AFAP1: variants seen among roughly 807,000 people sequenced by gnomAD.
The protein encoded by AFAP1 is actin filament associated protein 1.
A neutral mutation model predicts 93.9 loss-of-function variants in AFAP1; 75 were observed. The observed-to-expected ratio is 0.80, with a 90% CI of 0.66 to 0.97. The LOEUF (loss-of-function observed/expected upper bound fraction) is 0.97, where lower values mean the gene tolerates loss of function less well. AFAP1 is among the 50% of genes least tolerant of loss of function. AFAP1 has a pLI of 0.00. For synonymous variants in AFAP1, 517 were observed against 430.7 expected (o/e 1.20, Z -2.48); for missense variants, 1,201 against 1,050.8 (o/e 1.14, Z -1.98).
chr4:7,907,506 T>C (rs1000799944), intron 1 of AFAP1, among the ~76,000 whole-genome samples: 2 of 152,152 alleles, frequency 1.3e-5, no homozygotes, highest in African/African-American at 4.8e-5. Context: ...GAAAATAGCC[T>C]GTTTAGTAAC....
At chr4:7,893,089 C>T (rs887469514) in intron 1 of AFAP1, among the ~76,000 whole-genome samples, 1 of 148,442 alleles carries the variant, frequency 6.7e-6, no homozygotes, top group African/African-American at 2.4e-5. Context: ...AGCCCCGGTG[C>T]CGGGGGGGCA....
At chr4:7,820,325 C>T (rs1246548936) in intron 6 of AFAP1, among the ~76,000 whole-genome samples, 6 of 152,188 alleles carry the variant, frequency 3.9e-5, no homozygotes, top group African/African-American at 1.4e-4. Flanking sequence ...TTGAAGTCAA[C>T]AGCAAACTTC....
chr4:7,905,379 T>C (rs1464365231), intron 1 of AFAP1, among the ~76,000 whole-genome samples: 1 of 152,236 alleles, frequency 6.6e-6, no homozygotes, highest in Non-Finnish European at 1.5e-5. Flanking sequence ...GTGACTTTTA[T>C]AGAAAAATCT....
At chr4:7,901,245 T>C (rs184569123) in intron 1 of AFAP1, among the ~76,000 whole-genome samples, 12 of 152,342 alleles carry the variant, frequency 7.9e-5, no homozygotes, top group Admixed American at 7.2e-4. Flanking sequence ...GGAAGTCTCA[T>C]TTAATGAAGC....
chr4:7,844,513 C>T (rs28520091), intron 4 of AFAP1, among the ~76,000 whole-genome samples: 58,020 of 151,968 alleles, frequency 0.38, 12,419 homozygotes, highest in Non-Finnish European at 0.48. Context: ...AGCCTCCACA[C>T]GGCCCAACAC....
intron 1 of AFAP1, among the ~76,000 whole-genome samples, chr4:7,923,719 C>T (rs916737838): frequency 6.6e-6 from 1 of 152,184 alleles, no homozygotes; most frequent in Non-Finnish European, 1.5e-5. Context: ...CCCATCTCGG[C>T]CTCCCAAAGT....
chr4:7,856,805 G>A (rs557278752), intron 3 of AFAP1, among the ~76,000 whole-genome samples: 1 of 152,166 alleles, frequency 6.6e-6, no homozygotes, highest in Non-Finnish European at 1.5e-5. Context: ...TGGCTGAGTG[G>A]CAGGAAAGCC....
intron 1 of AFAP1, among the ~76,000 whole-genome samples, chr4:7,907,863 C>G (rs1458186853): frequency 6.6e-6 from 1 of 152,128 alleles, no homozygotes; most frequent in Non-Finnish European, 1.5e-5. Context: ...GCCATTTAAT[C>G]CATACTAAAG....
At chr4:7,931,816 AAT>A (rs1560242713) in intron 1 of AFAP1, among the ~76,000 whole-genome samples, 1 of 152,086 alleles carries the variant, frequency 6.6e-6, no homozygotes, top group Non-Finnish European at 1.5e-5. Flanking sequence ...GGAGTTCATA[AAT>A]TTCTGAAAGC....
intron 14 of AFAP1, chr4:7,777,249 G>A (rs1033571087): frequency 6.6e-6 from 1 of 152,178 alleles, no homozygotes; most frequent in Admixed American, 6.5e-5. Flanking sequence ...AATAAGATTT[G>A]CCAGATAAGG....
At chr4:7,890,939 T>C (rs1408053752) in intron 1 of AFAP1, among the ~76,000 whole-genome samples, 7 of 152,198 alleles carry the variant, frequency 4.6e-5, no homozygotes, top group Non-Finnish European at 1.5e-5. Flanking sequence ...GAGACATTAC[T>C]GCATGTGTCT....
rs138160428 is a variant in AFAP1 at position 7,876,144 on chromosome 4, C to G, written c.-2-4064G>C. ...CAGCATGGAACTATCTGAAGAGAACCTAAGGATGCATCGATCCTAACTTGC... is the reference window on the plus strand; with the variant it reads ...CAGCATGGAACTATCTGAAGAGAACGTAAGGATGCATCGATCCTAACTTGC... On this transcript the variant is annotated intron_variant, in intron 1 of 17. Coordinates refer to ENST00000420658, the MANE Select transcript of AFAP1 (RefSeq NM_001134647.2). 8.5e-4 allele frequency among the ~76,000 whole-genome samples: 130 copies of G among 152,300 alleles called. 1 individual carries two copies. In the Middle Eastern group the frequency reaches 0.017, roughly 20 times the overall value.
intron 11 of AFAP1, among the ~76,000 whole-genome samples, chr4:7,787,381 C>T (rs1717399597): frequency 6.6e-6 from 1 of 152,194 alleles, no homozygotes; most frequent in South Asian, 2.1e-4. Flanking sequence ...GTTCTGTGAG[C>T]GTTCTAGCAA....
intron 15 of AFAP1, 104 bp from the exon 16 acceptor site, chr4:7,773,114 G>T (rs1364624486): frequency 1.4e-6 from 2 of 1,465,408 alleles, no homozygotes; most frequent in Admixed American, 2.4e-5. Context: ...AACGTCTGAG[G>T]TCGAGCTCCC....
intron 1 of AFAP1, among the ~76,000 whole-genome samples, chr4:7,899,176 G>A (rs926971444): frequency 1.3e-5 from 2 of 151,912 alleles, no homozygotes; most frequent in Non-Finnish European, 2.9e-5. Flanking sequence ...ATGCTGCTAA[G>A]ACACATAACC....
chr4:7,833,915 A>G (rs1308445009), intron 6 of AFAP1, among the ~76,000 whole-genome samples: 1 of 152,146 alleles, frequency 6.6e-6, no homozygotes, highest in Non-Finnish European at 1.5e-5. Context: ...AATTAAAAGT[A>G]GAAGCACCAT....
chr4:7,902,786 G>T (rs1448438388), intron 1 of AFAP1, among the ~76,000 whole-genome samples: 1 of 152,068 alleles, frequency 6.6e-6, no homozygotes, highest in Non-Finnish European at 1.5e-5. Flanking sequence ...ACTGGGAGGG[G>T]CAGACAGGGA....
At chr4:7,933,012 T>G (rs1435371225) in intron 1 of AFAP1, among the ~76,000 whole-genome samples, 2 of 46,016 alleles carry the variant, frequency 4.3e-5, no homozygotes, top group East Asian at 1.2e-3. Flanking sequence ...AGAGTGAGAC[T>G]CCCTCTCAAA....
chr4:7,765,493 C>G (rs370730083), intron 17 of AFAP1, among the ~76,000 whole-genome samples: 1 of 152,246 alleles, frequency 6.6e-6, no homozygotes, highest in Non-Finnish European at 1.5e-5. Flanking sequence ...CGTGCTCTTC[C>G]TCACCTCTTC....
Sources: gnomAD v4.1 joint callset for allele counts (sites outside exome capture counted in the v4.1 genomes callset) on GRCh38, gnomAD v4.1.1 for gene constraint, MANE v1.5 for transcripts, NCBI Gene and HGNC (gene_info 2026-07-23, HGNC 2026-07-21) for gene names.